The following INTS2 variants were observed in gnomAD, a reference collection of about 807,000 sequenced individuals.
INTS2 encodes KIAA1287.
Under a neutral mutation model 139.6 loss-of-function variants are expected in INTS2, and 57 were observed. That is an observed-to-expected ratio of 0.41 (90% CI 0.33 to 0.51). The LOEUF (loss-of-function observed/expected upper bound fraction) is 0.51. Among genes scored for constraint, INTS2 ranks in the 20% least tolerant of loss-of-function variants. The probability of loss-of-function intolerance (pLI) is 0.28; values close to 1 mark genes in which losing one functional copy is unlikely to be tolerated. For missense variants in INTS2, 1,196 were observed against 1,436.7 expected (o/e 0.83, Z 2.71); for synonymous variants, 473 against 493.4 (o/e 0.96, Z 0.55).
Position 61,897,525 on chromosome 17 carries a change from G to A in INTS2, c.1438C>T (p.His480Tyr). ...EMLLLVAMYF[H>Y]SNQLSAIIDL... ...ATGATAGCACTAAGCTGGTTGCTGT[G>A]AAAGTACATAGCCACCAATAATAAC... Residue 480 changes from histidine (H) to tyrosine (Y), a missense_variant, in exon 11 of 25, where the codon CAC (histidine) becomes TAC (tyrosine). By Grantham distance (83) the His-to-Tyr change is moderately conservative. Around this residue, in one of 3 missense-constraint regions of INTS2, gnomAD observed 1,129 missense variants for 1,341.9 expected, o/e 0.84. Transcript: ENST00000251334. The surrounding 1 kb of genome is among the most constrained non-coding windows in gnomAD (Gnocchi z 4.4). The A allele has an allele frequency of 1.2e-6, 2 of 1,605,328 alleles. No individual in the cohort carries two copies. The highest frequency in any genetic ancestry group is 1.7e-6 in the Non-Finnish European group (2 of 1,175,836).
At position 61,869,662 on chromosome 17, in the gene INTS2, C is replaced by T; in HGVS notation, c.3030+75G>A. On this transcript the variant is annotated intron_variant, in intron 21 of 24. Coordinates refer to ENST00000251334, the MANE Select transcript of INTS2 (RefSeq NM_001351695.2). The surrounding 1 kb of genome is among the most constrained non-coding windows in gnomAD (Gnocchi z 5.4). ...GTGTTTTCTCTGGTTTCTAAATGAT[C>T]CCTGTTAATATAGTATTCAAAGCCC... 1 of 1,464,110 alleles carries T rather than the reference C, an allele frequency of 6.8e-7. No homozygotes were observed. The highest frequency in any genetic ancestry group is 9.2e-7 in the Non-Finnish European group (1 of 1,081,642). The allele number at this position is 1,464,110 out of a possible 1,614,324, so 90.7% of individuals were successfully genotyped here. A position where few individuals can be genotyped will look rare whatever the true frequency, so the allele number is the denominator to read the frequency against.
At position 61,878,080 on chromosome 17, in the gene INTS2, C is replaced by G. The variant is rs768927989; in HGVS notation, c.2263G>C (p.Ala755Pro). 1.4e-5 allele frequency: 23 copies of G among 1,606,284 alleles called. No individual in the cohort carries two copies. In the Admixed American group the frequency reaches 3.8e-4, roughly 27 times the overall value. ...SPKQLQEAFS[A>P]VPVNNTQVMQ... The stretch of plus-strand genomic sequence containing the variant: ...ACTTGTGTGTTATTTACTGGGACAG[C>G]TGAAAATGCTAAAAAGAAAATTTAG... Residue 755 changes from alanine to proline, a missense_variant, in exon 18 of 25, where the codon GCT (alanine) becomes CCT (proline). By Grantham distance (27) the Ala-to-Pro change is conservative (BLOSUM62 -1). This residue lies in a region of INTS2 where 1,129 missense variants were observed against 1,341.9 expected (regional missense o/e 0.84). Transcript: ENST00000251334.
At chr17:61,922,339 C>T (rs1327682983) in intron 3 of INTS2, among the ~76,000 whole-genome samples, 2 of 139,122 alleles carry the variant, frequency 1.4e-5, no homozygotes, top group African/African-American at 6.3e-5. Context: ...AGCATGGTGG[C>T]CATCTGTAAT....
rs762865459 is a variant in INTS2 at position 61,921,743 on chromosome 17, G to C, written c.517C>G (p.Leu173Val). The change falls in exon 4 of 25, where the codon CTT (leucine) becomes GTT (valine). Residue 173 changes from leucine (L) to valine (V), a missense_variant. Coordinates refer to ENST00000251334, the MANE Select transcript of INTS2 (RefSeq NM_001351695.2). Reference protein sequence around the residue: ...PVYLEEAADVLCILQAELPSL... With the variant: ...PVYLEEAADVVCILQAELPSL... ...ACAGTACCTGCTTGTAAAATACAAA[G>C]TACATCTGCAGCTTCCTCCAAATAT... 13 of 1,589,028 alleles carry C rather than the reference G, an allele frequency of 8.2e-6. No homozygotes were observed. Among genetic ancestry groups the C allele is most frequent in the Admixed American group, 1.8e-5 (1 of 56,592 alleles).
At chr17:61,908,523 C>CA (rs2079490377) in intron 7 of INTS2, among the ~76,000 whole-genome samples, 1 of 152,168 alleles carries the variant, frequency 6.6e-6, no homozygotes, top group Admixed American at 6.5e-5. Context: ...GCCTAACATA[C>CA]AGCAAGCACT....
At chr17:61,885,046 A>G (rs1205840643) in intron 15 of INTS2, 41 bp from the exon 16 acceptor site, 3 of 1,340,868 alleles carry the variant, frequency 2.2e-6, no homozygotes, top group Non-Finnish European at 3.1e-6. Context: ...AAATGTCCAG[A>G]AACAACAGAA....
intron 8 of INTS2, among the ~76,000 whole-genome samples, chr17:61,905,316 T>C (rs1048440852): frequency 1.3e-5 from 2 of 152,138 alleles, no homozygotes; most frequent in Admixed American, 1.3e-4. Flanking sequence ...ACATTGGGAA[T>C]TAAACTGTTT....
At chr17:61,923,293 C>A (rs997484418) in intron 3 of INTS2, among the ~76,000 whole-genome samples, 12 of 150,174 alleles carry the variant, frequency 8.0e-5, no homozygotes, top group Admixed American at 4.6e-4. Flanking sequence ...CTGGCTAACA[C>A]GGTGAAACCC....
At chr17:61,880,910 T>A (rs1057163343) in intron 17 of INTS2, 97 bp downstream of exon 17, 3 of 976,342 alleles carry the variant, frequency 3.1e-6, no homozygotes, top group Admixed American at 2.3e-5. Context: ...CATTGTTATA[T>A]CCATGGGAAA....
chr17:61,909,388 C>G lies in INTS2; in HGVS notation c.955-1754G>C, dbSNP rs1376528514. ...CCTCCCAAAGTGCTGGGATTACAGGCGTAAGCCACCCCACCCAGCCCTTAC... is the reference window on the plus strand; with the variant it reads ...CCTCCCAAAGTGCTGGGATTACAGGGGTAAGCCACCCCACCCAGCCCTTAC... On this transcript the variant is annotated intron_variant, in intron 7 of 24. Coordinates refer to ENST00000251334, the MANE Select transcript of INTS2 (RefSeq NM_001351695.2). The surrounding 1 kb of genome is among the most constrained non-coding windows in gnomAD (Gnocchi z 4.9). Among the ~76,000 whole-genome samples the G allele has an allele frequency of 6.6e-6, 1 of 152,184 alleles. No homozygotes were observed. Among genetic ancestry groups the G allele is most frequent in the Non-Finnish European group, 1.5e-5 (1 of 68,032 alleles).
chr17:61,888,762 C>T (rs1435695989), intron 15 of INTS2, among the ~76,000 whole-genome samples: 2 of 152,088 alleles, frequency 1.3e-5, no homozygotes, highest in East Asian at 1.9e-4. Flanking sequence ...CAGTGGCTCA[C>T]GCCTGTAATC....
chr17:61,913,325 A>T (rs1436222774), intron 5 of INTS2, among the ~76,000 whole-genome samples: 1 of 150,848 alleles, frequency 6.6e-6, no homozygotes, highest in Non-Finnish European at 1.5e-5. Context: ...TGGGTGACAG[A>T]GCAAGACTCC....
At chr17:61,926,955 C>T in intron 1 of INTS2, 2 of 408,310 alleles carry the variant, frequency 4.9e-6, no homozygotes, top group Non-Finnish European at 9.1e-6. Flanking sequence ...AGTAACACGC[C>T]CAAAATAGTA....
At chr17:61,878,938 A>AG (rs1239712397) in intron 17 of INTS2, among the ~76,000 whole-genome samples, 1 of 150,002 alleles carries the variant, frequency 6.7e-6, no homozygotes, top group Non-Finnish European at 1.5e-5. Flanking sequence ...CTCCAAAAAA[A>AG]AAAAAAAAAA....
At position 61,884,933 on chromosome 17, in the gene INTS2, C is replaced by T. The variant is rs752018939; in HGVS notation, c.2057G>A (p.Arg686Gln). The change falls in exon 16 of 25, where the codon CGA (arginine) becomes CAA (glutamine). Residue 686 changes from arginine (R) to glutamine (Q), a missense_variant. Coordinates refer to ENST00000251334, the MANE Select transcript of INTS2 (RefSeq NM_001351695.2). Reference protein sequence around the residue: ...MDQIPIKFLIRQAQGLQQELG... With the variant: ...MDQIPIKFLIQQAQGLQQELG... ...CTCCTGCTGCAGCCCTTGAGCCTGT[C>T]GAATAAGGAATTTGATAGGAATCTG... is the stretch of plus-strand genomic sequence containing the variant. The T allele has an allele frequency of 6.2e-6, 10 of 1,608,038 alleles. No homozygotes were observed. Among genetic ancestry groups the T allele is most frequent in the Admixed American group, 1.7e-5 (1 of 59,348 alleles).
At chr17:61,896,891 C>T (rs902271533) in intron 11 of INTS2, among the ~76,000 whole-genome samples, 4 of 152,138 alleles carry the variant, frequency 2.6e-5, no homozygotes, top group Admixed American at 2.6e-4. Flanking sequence ...TACACTTTTC[C>T]TTAGCAATTA....
chr17:61,920,504 T>G (rs9916073), intron 4 of INTS2, among the ~76,000 whole-genome samples: 9,918 of 58,086 alleles, frequency 0.17, 1,185 homozygotes, highest in African/African-American at 0.42. Flanking sequence ...TTTTTTTTTT[T>G]TTTTTAAGAA....
Position 61,871,062 on chromosome 17 carries a change from C to T in INTS2, c.2779-1074G>A, listed in dbSNP as rs2079084567. Among the ~76,000 whole-genome samples, 1 of 152,132 alleles carries T rather than the reference C, an allele frequency of 6.6e-6. No homozygotes were observed. Among genetic ancestry groups the T allele is most frequent in the African/African-American group, 2.4e-5 (1 of 41,434 alleles). On this transcript the variant is annotated intron_variant, in intron 20 of 24. Transcript: ENST00000251334. This position sits in a 1 kb window ranked among gnomAD's most constrained non-coding sequence, Gnocchi z 4.9. ...CTACACAGATGTTAGCTTTTATGAT[C>T]TTCAATCCCTTATCTGAAACTCCTA...
intron 2 of INTS2, 95 bp from the exon 3 acceptor site, chr17:61,925,194 T>C (rs1211340551): frequency 1.8e-5 from 21 of 1,163,296 alleles, no homozygotes; most frequent in East Asian, 7.6e-5. Context: ...TATAAAAGGA[T>C]GTATAAAGTG....
Sources: allele counts gnomAD v4.1 joint callset (sites outside exome capture counted in the v4.1 genomes callset), GRCh38; gene constraint gnomAD v4.1.1; regional missense constraint gnomAD v4.1.1; non-coding constraint Gnocchi (gnomAD v3.1); transcripts MANE v1.5; gene names NCBI Gene and HGNC (gene_info 2026-07-23, HGNC 2026-07-21).